The following GALNT2 variants were observed in gnomAD, a reference collection of about 807,000 sequenced individuals.
GALNT2 encodes the protein UDP-GalNAc:polypeptide N-acetylgalactosaminyltransferase 2.
In GALNT2, 31 loss-of-function variants were observed where a neutral mutation model predicts 81.4. The ratio of observed to expected loss-of-function variants is 0.38; its 90% CI spans 0.29 to 0.51. The LOEUF (loss-of-function observed/expected upper bound fraction) is 0.51. GALNT2 is among the 20% of genes least tolerant of loss of function. GALNT2 has a pLI of 0.87. For synonymous variants in GALNT2, 303 were observed against 287.4 expected (o/e 1.05, Z -0.55); for missense variants, 629 against 765.7 (o/e 0.82, Z 2.11).
At chr1:230,210,815 C>G (rs771909322) in intron 3 of GALNT2, among the ~76,000 whole-genome samples, 29 of 152,204 alleles carry the variant, frequency 1.9e-4, no homozygotes, top group Non-Finnish European at 3.7e-4. Context: ...TGTTTACTCT[C>G]ACTGGAATGT....
Position 230,257,080 on chromosome 1 carries a change from A to C in GALNT2, c.1136+1736A>C, listed in dbSNP as rs1181676312. Reference sequence around the variant, plus strand: ...AAGGGTAGCTGGAACCTAGAGAGTAAGGGGACAGTGCACAGGGGCAGAAGA... The same window carrying C: ...AAGGGTAGCTGGAACCTAGAGAGTACGGGGACAGTGCACAGGGGCAGAAGA... On this transcript the variant is annotated intron_variant, in intron 11 of 15. Transcript: ENST00000366672. The surrounding 1 kb of genome is among the most constrained non-coding windows in gnomAD (Gnocchi z 4.6). 6.6e-6 allele frequency among the ~76,000 whole-genome samples: 1 copy of C among 152,232 alleles called. No individual in the cohort carries two copies. The highest frequency in any genetic ancestry group is 1.5e-5 in the Non-Finnish European group (1 of 68,040).
intron 1 of GALNT2, among the ~76,000 whole-genome samples, chr1:230,118,916 T>C (rs1193453028): frequency 6.6e-6 from 1 of 152,192 alleles, no homozygotes; most frequent in African/African-American, 2.4e-5. Flanking sequence ...CCGATCAGCC[T>C]ATGGTCAGCC....
At chr1:230,068,811 T>C (rs916925818) in intron 1 of GALNT2, among the ~76,000 whole-genome samples, 13 of 152,290 alleles carry the variant, frequency 8.5e-5, no homozygotes, top group African/African-American at 2.6e-4. Flanking sequence ...TGAGCTGACA[T>C]TGTACTCTTA....
upstream of GALNT2, among the ~76,000 whole-genome samples, chr1:230,063,201 C>T (rs1659089874): frequency 6.6e-6 from 1 of 151,188 alleles, no homozygotes; most frequent in African/African-American, 2.4e-5. Flanking sequence ...GGCCCAGCTG[C>T]TTAGGAGTCT....
In GALNT2 at chr1:230,145,649, A is replaced by G. The variant is rs142891048; in HGVS notation, c.127-32569A>G. Among the ~76,000 whole-genome samples, 369 of 152,288 alleles carry G rather than the reference A, an allele frequency of 2.4e-3. 1 individual carries two copies. Among genetic ancestry groups the G allele is most frequent in the African/African-American group, 8.6e-3 (359 of 41,556 alleles). ...ATCCACAGCTAGTTGGTTGAAAGCC[A>G]CCCACCTTGGCATAGTGCCAATGGG... On this transcript the variant is annotated intron_variant, in intron 1 of 15. Transcript: ENST00000366672.
At chr1:230,066,878 G>T (rs966274575), upstream of GALNT2, among the ~76,000 whole-genome samples, 4 of 151,488 alleles carry the variant, frequency 2.6e-5, no homozygotes, top group Non-Finnish European at 4.4e-5. Context: ...GGCGGCCGGC[G>T]GGGGGAGCAC....
rs954732742 is a variant in GALNT2, at chr1:230,275,726, C to CAT, written c.1560+1172_1560+1173dup. ...ATATACACACCACATATACACACCA[C>CAT]ATATATATATACAAACACCACATAT... On this transcript the variant is annotated intron_variant, in intron 15 of 15. Transcript: ENST00000366672. The surrounding 1 kb of genome is among the most constrained non-coding windows in gnomAD (Gnocchi z 5.5). Among the ~76,000 whole-genome samples the CAT allele has an allele frequency of 8.0e-5, 12 of 150,320 alleles. No homozygotes were observed. The highest frequency in any genetic ancestry group is 5.9e-4 in the East Asian group (3 of 5,094).
At chr1:230,207,196 T>C (rs1337180553) in intron 3 of GALNT2, among the ~76,000 whole-genome samples, 1 of 151,898 alleles carries the variant, frequency 6.6e-6, no homozygotes, top group East Asian at 1.9e-4. Context: ...GAGTGCCCAA[T>C]AAATCATGCA....
At chr1:230,195,174 G>A (rs555582337) in intron 2 of GALNT2, among the ~76,000 whole-genome samples, 11 of 152,368 alleles carry the variant, frequency 7.2e-5, no homozygotes, top group African/African-American at 2.2e-4. Context: ...GCCAGAACCC[G>A]AGAGGTGGCT....
intron 1 of GALNT2, among the ~76,000 whole-genome samples, chr1:230,086,694 A>G (rs1659908196): frequency 6.6e-6 from 1 of 152,180 alleles, no homozygotes; most frequent in Non-Finnish European, 1.5e-5. Flanking sequence ...CTGCAGCCTG[A>G]ATCTCCTGGG....
At chr1:230,245,447 A>G (rs1353009050) in intron 7 of GALNT2, among the ~76,000 whole-genome samples, 1 of 151,928 alleles carries the variant, frequency 6.6e-6, no homozygotes, top group African/African-American at 2.4e-5. Context: ...CTGGGCAACA[A>G]GAGTGAAACT....
At chr1:230,250,387 C>T in intron 9 of GALNT2, 70 bp from the exon 10 acceptor site, 1 of 1,161,162 alleles carries the variant, frequency 8.6e-7, no homozygotes, top group Non-Finnish European at 1.3e-6. Flanking sequence ...GGCCTTGGCG[C>T]AAGGGTGCTG....
chr1:230,232,653 C>T (rs967512793), intron 3 of GALNT2, among the ~76,000 whole-genome samples: 5 of 152,364 alleles, frequency 3.3e-5, no homozygotes, highest in African/African-American at 4.8e-5. Context: ...TGCCTCCTAA[C>T]GCGGAGTCCT....
intron 1 of GALNT2, among the ~76,000 whole-genome samples, chr1:230,172,872 G>A (rs1662839363): frequency 6.6e-6 from 1 of 152,294 alleles, no homozygotes; most frequent in Admixed American, 6.5e-5. Context: ...GTATTTAGAT[G>A]TCATTGCTAT....
At chr1:230,269,248 C>G (rs1201965941) in intron 14 of GALNT2, among the ~76,000 whole-genome samples, 1 of 136,838 alleles carries the variant, frequency 7.3e-6, no homozygotes, top group Non-Finnish European at 1.5e-5. Context: ...TGCAGTGGTG[C>G]AATCTCGGCT....
chr1:230,232,656 G>A (rs1664901855), intron 3 of GALNT2, among the ~76,000 whole-genome samples: 1 of 152,174 alleles, frequency 6.6e-6, no homozygotes, highest in Admixed American at 6.5e-5. Context: ...CTCCTAACGC[G>A]GAGTCCTTAT....
At chr1:230,249,384 T>G (rs1277716779) in intron 9 of GALNT2, 113 bp downstream of exon 9, 2 of 803,820 alleles carry the variant, frequency 2.5e-6, no homozygotes, top group Admixed American at 2.6e-5. Flanking sequence ...CCTTCTGCCC[T>G]CCGGTTTCCC....
intron 9 of GALNT2, 71 bp from the exon 10 acceptor site, chr1:230,250,386 G>A (rs761249125): frequency 1.6e-4 from 183 of 1,138,992 alleles, no homozygotes; most frequent in Non-Finnish European, 2.1e-4. Flanking sequence ...TGGCCTTGGC[G>A]CAAGGGTGCT....
At chr1:230,103,878 C>T (rs1187151664) in intron 1 of GALNT2, among the ~76,000 whole-genome samples, 8 of 152,094 alleles carry the variant, frequency 5.3e-5, no homozygotes, top group African/African-American at 2.4e-5. Flanking sequence ...TAGTCATTTA[C>T]TCCGTGAGAG....
Sources: allele counts gnomAD v4.1 joint callset (sites outside exome capture counted in the v4.1 genomes callset), GRCh38; gene constraint gnomAD v4.1.1; non-coding constraint Gnocchi (gnomAD v3.1); transcripts MANE v1.5; gene names NCBI Gene and HGNC (gene_info 2026-07-23, HGNC 2026-07-21).